Variants in FBN2 observed in about 807,000 individuals in gnomAD.
The protein encoded by FBN2 is fibrillin 2.
A neutral mutation model predicts 355.6 loss-of-function variants in FBN2; 105 were observed. The observed-to-expected ratio is 0.30, with a 90% CI of 0.25 to 0.35. FBN2 has a LOEUF of 0.35. FBN2 is among the 10% of genes least tolerant of loss of function. FBN2 has a pLI of 1.00. For synonymous variants in FBN2, 1,350 were observed against 1,301.2 expected, an observed-to-expected ratio of 1.04 and a Z score of -0.81; for missense variants, 3,280 against 3,758.7, an observed-to-expected ratio of 0.87 and a Z score of 3.33.
chr5:128,286,397 T>C (rs1306534091), intron 55 of FBN2, among the ~76,000 whole-genome samples: 2 of 152,238 alleles, frequency 1.3e-5, no homozygotes, highest in Non-Finnish European at 2.9e-5. Flanking sequence ...CTTCTATGAA[T>C]TAGGGTTTAC....
At chr5:128,299,435 A>AGCCTTG (rs1561756634) in intron 48 of FBN2, among the ~76,000 whole-genome samples, 1 of 126,022 alleles carries the variant, frequency 7.9e-6, no homozygotes, top group Non-Finnish European at 1.6e-5. Flanking sequence ...CCCCAGCCTC[A>AGCCTTG]CAGTTTGATC....
At chr5:128,344,046 C>T (rs1012165842) in intron 25 of FBN2, among the ~76,000 whole-genome samples, 8 of 152,208 alleles carry the variant, frequency 5.3e-5, no homozygotes, top group African/African-American at 1.9e-4. Context: ...GCCTGGGAAG[C>T]AAAGTGAGAC....
Position 128,261,717 on chromosome 5 carries a change from CAG to C in FBN2, c.8364+17_8364+18del, listed in dbSNP as rs758151194. On this transcript the variant is annotated intron_variant, in intron 64 of 64. Coordinates refer to ENST00000262464, the MANE Select transcript of FBN2 (RefSeq NM_001999.4). ...GTAGGGATAAAATTTTGTGGCAACA[CAG>C]AGTGGGATATACTCACAGCAGTGGG... 3 of 1,613,650 alleles carry C rather than the reference CAG, an allele frequency of 1.9e-6. No homozygotes were observed. Among genetic ancestry groups the C allele is most frequent in the South Asian group, 2.2e-5 (2 of 91,074 alleles).
At chr5:128,466,432 G>C (rs1349335114) in intron 5 of FBN2, among the ~76,000 whole-genome samples, 1 of 152,102 alleles carries the variant, frequency 6.6e-6, no homozygotes, top group Non-Finnish European at 1.5e-5. Flanking sequence ...AATAATGTTG[G>C]TATAATTTTT....
chr5:128,274,340 G>A (rs1581180024), intron 60 of FBN2, among the ~76,000 whole-genome samples: 1 of 152,290 alleles, frequency 6.6e-6, no homozygotes, highest in Non-Finnish European at 1.5e-5. Context: ...GGCACTGCTT[G>A]AAATATGGCT....
chr5:128,328,632 T>C, intron 34 of FBN2, 64 bp downstream of exon 34: 1 of 1,575,482 alleles, frequency 6.3e-7, no homozygotes, highest in Non-Finnish European at 8.7e-7. Flanking sequence ...TTCCAGCCCT[T>C]GTTGTGGTTT....
intron 6 of FBN2, among the ~76,000 whole-genome samples, chr5:128,447,748 C>A (rs575012092): frequency 6.6e-6 from 1 of 152,162 alleles, no homozygotes; most frequent in Non-Finnish European, 1.5e-5. Flanking sequence ...GCTGGTTTTG[C>A]GGCTTGTGGG....
chr5:128,415,360 T>A (rs757082216), intron 7 of FBN2, among the ~76,000 whole-genome samples: 1 of 152,312 alleles, frequency 6.6e-6, no homozygotes, highest in Middle Eastern at 3.4e-3. Flanking sequence ...TCCTCCACTA[T>A]GGCCAAACAT....
In FBN2 at chr5:128,277,864, A is replaced by T; in HGVS notation, c.7471+16T>A. The T allele has an allele frequency of 6.2e-7, 1 of 1,614,072 alleles. No individual in the cohort carries two copies. Among genetic ancestry groups the T allele is most frequent in the Non-Finnish European group, 8.5e-7 (1 of 1,179,958 alleles). ...TTAGCCCCCAAACCCCTGGATATAG[A>T]GGTGCCCATCGTTACCTATACAAGA... On this transcript the variant is annotated intron_variant, in intron 58 of 64. Coordinates refer to ENST00000262464, the MANE Select transcript of FBN2 (RefSeq NM_001999.4).
intron 8 of FBN2, among the ~76,000 whole-genome samples, chr5:128,406,407 T>C (rs578010678): frequency 6.6e-6 from 1 of 152,224 alleles, no homozygotes; most frequent in East Asian, 1.9e-4. Context: ...TTACCATAGA[T>C]CTTAGCAACC....
chr5:128,270,174 C>T (rs896492393), intron 62 of FBN2, among the ~76,000 whole-genome samples: 18 of 152,188 alleles, frequency 1.2e-4, no homozygotes, highest in African/African-American at 3.6e-4. Flanking sequence ...CCCTTCCTTA[C>T]ACCTTACACA....
intron 5 of FBN2, among the ~76,000 whole-genome samples, chr5:128,502,796 T>C (rs1299300757): frequency 6.6e-6 from 1 of 152,222 alleles, no homozygotes; most frequent in East Asian, 1.9e-4. Context: ...AATTTTGCAC[T>C]AATTTTTGTA....
intron 6 of FBN2, among the ~76,000 whole-genome samples, chr5:128,454,692 A>G (rs1754337877): frequency 6.6e-6 from 1 of 152,242 alleles, no homozygotes; most frequent in South Asian, 2.1e-4. Flanking sequence ...TTTCTGGTGC[A>G]CTAACGCCAT....
At chr5:128,529,329 G>A (rs1472260289) in intron 3 of FBN2, among the ~76,000 whole-genome samples, 1 of 152,102 alleles carries the variant, frequency 6.6e-6, no homozygotes, top group African/African-American at 2.4e-5. Flanking sequence ...AAAAAGGAAT[G>A]ATCAAGAAAA....
intron 31 of FBN2, among the ~76,000 whole-genome samples, chr5:128,333,612 T>A (rs914668268): frequency 2.6e-5 from 4 of 152,124 alleles, no homozygotes; most frequent in Admixed American, 2.0e-4. Flanking sequence ...TATTTGAGAT[T>A]ATAGAAAAAT....
chr5:128,350,869 T>C lies in FBN2; in HGVS notation c.2811A>G (p.Leu937=), dbSNP rs1751336276. The change falls in exon 21 of 65, where the codon CTA becomes CTG. Residue 937 remains leucine, a splice_region_variant and synonymous_variant. Transcript: ENST00000262464. ...AGAAGCTCCCAATAAGGCTCCTACC[T>C]AGTTCACACCGCTCACAGGGGCTCC... The part of the protein sequence containing the change: ...AWGSPCERCE[L]DTACPRGLAR... 4.3e-6 allele frequency: 7 copies of C among 1,614,002 alleles called. No homozygotes were observed. The Admixed American group carries it at 8.3e-5, about 19-fold the overall frequency.
At chr5:128,409,999 A>G (rs987880527) in intron 7 of FBN2, among the ~76,000 whole-genome samples, 1 of 152,198 alleles carries the variant, frequency 6.6e-6, no homozygotes, top group African/African-American at 2.4e-5. Flanking sequence ...TTATCATGAA[A>G]TAACTATACG....
intron 1 of FBN2, among the ~76,000 whole-genome samples, chr5:128,537,112 C>T (rs548490920): frequency 2.6e-5 from 4 of 152,246 alleles, no homozygotes; most frequent in African/African-American, 7.2e-5. Context: ...ACCCCTGGAC[C>T]CCCTAACCAC....
At chr5:128,306,396 G>A (rs1241869371) in intron 42 of FBN2, among the ~76,000 whole-genome samples, 1 of 152,100 alleles carries the variant, frequency 6.6e-6, no homozygotes, top group Non-Finnish European at 1.5e-5. Context: ...GAGGAGGGTG[G>A]ATCACCTGAG....
Sources: gnomAD v4.1 joint callset for allele counts (sites outside exome capture counted in the v4.1 genomes callset) on GRCh38, gnomAD v4.1.1 for gene constraint, MANE v1.5 for transcripts, NCBI Gene and HGNC (gene_info 2026-07-23, HGNC 2026-07-21) for gene names.